NCAN: variants seen among roughly 807,000 people sequenced by gnomAD.
The protein encoded by NCAN is neurocan, also known as neurocan core protein.
NCAN carries 47 observed loss-of-function variants against 121.8 expected under a neutral mutation model. The observed-to-expected ratio is 0.39, with a 90% CI of 0.31 to 0.49. NCAN has a LOEUF of 0.49. Among genes scored for constraint, NCAN ranks in the 20% least tolerant of loss-of-function variants. The probability of loss-of-function intolerance (pLI) is 0.92; values close to 1 mark genes in which losing one functional copy is unlikely to be tolerated. For synonymous variants in NCAN, 633 were observed against 702.0 expected (o/e 0.90, Z 1.55); for missense variants, 1,517 against 1,773.4 (o/e 0.86, Z 2.60).
At chr19:19,213,505 T>TGG (rs11334445) in intron 1 of NCAN, among the ~76,000 whole-genome samples, 30 of 49,598 alleles carry the variant, frequency 6.0e-4, no homozygotes, top group East Asian at 2.3e-3. Context: ...GGGGTTTATG[T>TGG]GGGGGGGGGG....
intron 8 of NCAN, among the ~76,000 whole-genome samples, chr19:19,228,912 T>G (rs946620947): frequency 6.6e-6 from 1 of 152,128 alleles, no homozygotes; most frequent in Non-Finnish European, 1.5e-5. Flanking sequence ...GAACAAAGTG[T>G]GAGAGTAGTG....
In NCAN at chr19:19,249,840, C is replaced by T. The variant is rs774706035; in HGVS notation, c.3895C>T (p.Arg1299Cys). 6 of 1,613,880 alleles carry T rather than the reference C, an allele frequency of 3.7e-6. No individual in the cohort carries two copies. The highest frequency in any genetic ancestry group is 2.2e-5 in the South Asian group (2 of 91,076). ...HHHQHHHHKSRKERRKHKKHP... is the reference protein window; with the variant it reads ...HHHQHHHHKSCKERRKHKKHP... Reference sequence around the variant, plus strand: ...CCACCAGCATCACCACCACAAATCCCGCAAGGAGCGCAGAAAACACAAGAA... The same window carrying T: ...CCACCAGCATCACCACCACAAATCCTGCAAGGAGCGCAGAAAACACAAGAA... The change falls in exon 15 of 15, where the codon CGC becomes TGC. Residue 1299 changes from arginine (R) to cysteine (C), a missense_variant. Arg to Cys is a radical substitution (Grantham distance 180, BLOSUM62 -3). Transcript: ENST00000252575.
Position 19,218,817 on chromosome 19 carries a change from C to T in NCAN, c.74-98C>T, listed in dbSNP as rs536464300. ...AAGTGGCCCTAGGTTCAAATTCTGG[C>T]TCAGCCCTTTTAAAAAATTTTTTAA... On this transcript the variant is annotated intron_variant, in intron 2 of 14. Coordinates refer to ENST00000252575, the MANE Select transcript of NCAN (RefSeq NM_004386.3). 5.6e-5 allele frequency: 72 copies of T among 1,277,490 alleles called. No individual in the cohort carries two copies. The South Asian group carries it at 1.5e-3, about 27-fold the overall frequency. The allele number at this position is 1,277,490 out of a possible 1,614,324, so 79.1% of individuals were successfully genotyped here.
chr19:19,249,932 A>G lies in NCAN; in HGVS notation c.*21A>G. The G allele has an allele frequency of 1.9e-6, 3 of 1,605,162 alleles. No homozygotes were observed. The highest frequency in any genetic ancestry group is 1.1e-5 in the South Asian group (1 of 89,950). ...GCTGAAGAACCAGAAAAAAGAAAGC[A>G]CAACACCTTTCCCATGCCTCCTCTG... On this transcript the variant is annotated 3_prime_UTR_variant, in exon 15 of 15. Transcript: ENST00000252575.
chr19:19,249,828 C>T lies in NCAN; in HGVS notation c.3883C>T (p.His1295Tyr). Residue 1295 changes from histidine to tyrosine, a missense_variant, in exon 15 of 15, where the codon CAC becomes TAC. Coordinates refer to ENST00000252575, the MANE Select transcript of NCAN (RefSeq NM_004386.3). ...HHHQHHHQHH[H>Y]HKSRKERRKH... ...CCACCAACACCACCACCAGCATCACCACCACAAATCCCGCAAGGAGCGCAG... is the reference window on the plus strand; with the variant it reads ...CCACCAACACCACCACCAGCATCACTACCACAAATCCCGCAAGGAGCGCAG... The T allele has an allele frequency of 3.1e-6, 5 of 1,613,774 alleles. No homozygotes were observed. The highest frequency in any genetic ancestry group is 4.2e-6 in the Non-Finnish European group (5 of 1,179,936).
chr19:19,215,154 G>T (rs3761077), intron 1 of NCAN, among the ~76,000 whole-genome samples: 12,833 of 152,196 alleles, frequency 0.084, 724 homozygotes, highest in South Asian at 0.16. Context: ...GTCCCAGGCC[G>T]GCCTCCCAGC....
intron 3 of NCAN, 92 bp downstream of exon 3, chr19:19,219,408 C>T: frequency 7.7e-7 from 1 of 1,300,214 alleles, no homozygotes; most frequent in Non-Finnish European, 1.0e-6. Context: ...GAAATCACTC[C>T]CTGAGACCTG....
rs776117887 is a variant in NCAN, at chr19:19,240,584, A to G, written c.3410-19A>G. The G allele has an allele frequency of 5.0e-6, 8 of 1,613,872 alleles. No homozygotes were observed. Among genetic ancestry groups the G allele is most frequent in the Middle Eastern group, 1.7e-4 (1 of 6,060 alleles). On this transcript the variant is annotated intron_variant, in intron 11 of 14. Transcript: ENST00000252575. ...GAGGCATGGGTGAACACCCAGACCC[A>G]CAACCCCCGACCCTGCAGGCTTTGG... is the stretch of plus-strand genomic sequence containing the variant.
chr19:19,237,371 C>T (rs1306099007), intron 10 of NCAN, among the ~76,000 whole-genome samples: 1 of 151,950 alleles, frequency 6.6e-6, no homozygotes, highest in Non-Finnish European at 1.5e-5. Flanking sequence ...TGCCTGTAAT[C>T]CCAGGTACTT....
intron 12 of NCAN, among the ~76,000 whole-genome samples, chr19:19,241,843 G>T (rs984911439): frequency 8.6e-5 from 13 of 151,782 alleles, no homozygotes; most frequent in African/African-American, 2.4e-4. Flanking sequence ...GCCACTAGAT[G>T]ATATATATTT....
chr19:19,245,974 C>A (rs1156662256), intron 13 of NCAN, among the ~76,000 whole-genome samples: 1 of 151,784 alleles, frequency 6.6e-6, no homozygotes, highest in Non-Finnish European at 1.5e-5. Flanking sequence ...GTAATCCCAA[C>A]ACTTTGGGAG....
chr19:19,227,205 C>G lies in NCAN; in HGVS notation c.1661-76C>G, dbSNP rs993357783. 1.3e-6 allele frequency: 2 copies of G among 1,498,570 alleles called. No homozygotes were observed. Among genetic ancestry groups the G allele is most frequent in the Non-Finnish European group, 1.8e-6 (2 of 1,126,180 alleles). 92.8% of individuals were successfully genotyped at this position (1,498,570 alleles called of 1,614,324 possible). On this transcript the variant is annotated intron_variant, in intron 7 of 14. Transcript: ENST00000252575. The surrounding 1 kb of genome is among the most constrained non-coding windows in gnomAD (Gnocchi z 4.2). ...TGGGTCCTCTGGCCCCAGAAGCCCC[C>G]TCTCCCTTGGGCCTGGAGTCCAACC...
chr19:19,238,908 T>C (rs1208163719), intron 11 of NCAN: 1 of 189,506 alleles, frequency 5.3e-6, no homozygotes, highest in Non-Finnish European at 1.1e-5. Context: ...ATTCATGTAA[T>C]CCGGGACTTA....
Position 19,245,051 on chromosome 19 carries a change from T to C in NCAN, c.3493-262T>C, listed in dbSNP as rs533440440. 2.6e-5 allele frequency among the ~76,000 whole-genome samples: 4 copies of C among 152,136 alleles called. No homozygotes were observed. In the South Asian group the frequency reaches 8.3e-4, roughly 32 times the overall value. The stretch of plus-strand genomic sequence containing the variant: ...ATCTAACACTGATTCATGTTGAAAA[T>C]GAACTGGGTGCGGCCGGGCACCCAG... On this transcript the variant is annotated intron_variant, in intron 12 of 14. Transcript: ENST00000252575.
intron 14 of NCAN, chr19:19,249,109 C>T: frequency 2.0e-6 from 1 of 491,016 alleles, no homozygotes. Context: ...TGGAGTTGTG[C>T]TCTGTTGCCC....
At chr19:19,231,281 G>A (rs2060858399) in intron 8 of NCAN, among the ~76,000 whole-genome samples, 1 of 151,912 alleles carries the variant, frequency 6.6e-6, no homozygotes, top group African/African-American at 2.4e-5. Context: ...TGCAACTAAG[G>A]GAGTGTCAAG....
chr19:19,248,022 C>T (rs1008879456), intron 13 of NCAN, among the ~76,000 whole-genome samples: 3 of 151,882 alleles, frequency 2.0e-5, no homozygotes, highest in African/African-American at 7.3e-5. Flanking sequence ...GTGGTGCGCA[C>T]CTGTAGTCTC....
chr19:19,213,790 G>A (rs1189806958), intron 1 of NCAN, among the ~76,000 whole-genome samples: 1 of 152,106 alleles, frequency 6.6e-6, no homozygotes, highest in Non-Finnish European at 1.5e-5. Context: ...GAAAGCTTGA[G>A]CAGGGGTTGA....
chr19:19,242,679 ACT>A (rs1359375464), intron 12 of NCAN, among the ~76,000 whole-genome samples: 1 of 152,148 alleles, frequency 6.6e-6, no homozygotes, highest in Non-Finnish European at 1.5e-5. Context: ...ACAGAGGGAG[ACT>A]CTGTCTCAAA....
Sources: allele counts gnomAD v4.1 joint callset (sites outside exome capture counted in the v4.1 genomes callset), GRCh38; gene constraint gnomAD v4.1.1; non-coding constraint Gnocchi (gnomAD v3.1); transcripts MANE v1.5; gene names NCBI Gene and HGNC (gene_info 2026-07-23, HGNC 2026-07-21).